DOCK8: variants seen among roughly 807,000 people sequenced by gnomAD.
DOCK8 encodes the protein dedicator of cytokinesis 8.
Under a neutral mutation model 245.6 loss-of-function variants are expected in DOCK8, and 141 were observed. The observed-to-expected ratio is 0.57, with a 90% confidence interval of 0.50 to 0.66. The LOEUF (loss-of-function observed/expected upper bound fraction) is 0.66. Ranked by LOEUF, DOCK8 falls within the 30% of genes least tolerant of loss-of-function variation. The pLI is 0.00. For missense variants in DOCK8, 2,965 were observed against 2,603.4 expected, an observed-to-expected ratio of 1.14 and a Z score of -3.02; for synonymous variants, 1,168 against 970.2, an observed-to-expected ratio of 1.20 and a Z score of -3.79.
intron 2 of DOCK8, among the ~76,000 whole-genome samples, chr9:278,673 A>G (rs1016300857): frequency 6.6e-6 from 1 of 152,252 alleles, no homozygotes; most frequent in Non-Finnish European, 1.5e-5. Flanking sequence ...CTTGACGGAC[A>G]TCTGAAGGAA....
At chr9:400,127 TCAC>T (rs2054751915) in intron 26 of DOCK8, among the ~76,000 whole-genome samples, 1 of 18,624 alleles carries the variant, frequency 5.4e-5, no homozygotes, top group Non-Finnish European at 9.1e-5. Flanking sequence ...ACCAGCATCT[TCAC>T]CATCACCACC....
In DOCK8 at chr9:275,897, C is replaced by T. The variant is rs200977273; in HGVS notation, c.156+4168C>T. ...AGCCACTGGGCCCGGCCTAGTTTTA[C>T]TTTTTTTTTTTGTAATGGAATTTCC... On this transcript the variant is annotated intron_variant, in intron 2 of 47. Coordinates refer to ENST00000432829, the MANE Select transcript of DOCK8 (RefSeq NM_203447.4). Among the ~76,000 whole-genome samples the T allele has an allele frequency of 1.8e-3, 141 of 80,002 alleles. 1 individual carries two copies. Among genetic ancestry groups the T allele is most frequent in the African/African-American group, 5.1e-3 (121 of 23,764 alleles). The allele number at this position is 80,002 out of a possible 152,430, so 52.5% of individuals were successfully genotyped here.
At chr9:400,881 C>T (rs1436217109) in intron 26 of DOCK8, among the ~76,000 whole-genome samples, 3 of 67,376 alleles carry the variant, frequency 4.5e-5, no homozygotes, top group African/African-American at 1.3e-4. Flanking sequence ...ACCACCACCT[C>T]CACCACCACC....
At chr9:213,543 T>A (rs1432933737), upstream of DOCK8, 1 of 152,300 alleles carries the variant, frequency 6.6e-6, no homozygotes, top group East Asian at 1.9e-4. Context: ...GCAATCAACA[T>A]GAAAATCATT....
chr9:426,224 G>C (rs1587000214), intron 33 of DOCK8, among the ~76,000 whole-genome samples: 1 of 152,298 alleles, frequency 6.6e-6, no homozygotes, highest in Middle Eastern at 3.4e-3. Flanking sequence ...GCGAGCACCA[G>C]GCAATTTCCC....
At chr9:262,972 C>G (rs747345458) in intron 1 of DOCK8, among the ~76,000 whole-genome samples, 1 of 152,050 alleles carries the variant, frequency 6.6e-6, no homozygotes, top group Non-Finnish European at 1.5e-5. Context: ...TTTGGGAGGC[C>G]GAGGCGGGTG....
At chr9:450,744 C>G (rs144656651) in intron 45 of DOCK8, among the ~76,000 whole-genome samples, 2 of 151,718 alleles carry the variant, frequency 1.3e-5, no homozygotes, top group African/African-American at 4.8e-5. Flanking sequence ...AATGAGGAAA[C>G]GTTTGCCTTT....
intron 18 of DOCK8, among the ~76,000 whole-genome samples, chr9:372,803 G>T (rs1056012868): frequency 6.8e-6 from 1 of 147,674 alleles, no homozygotes; most frequent in Non-Finnish European, 1.5e-5. Context: ...AGAAGCCCAG[G>T]TGGATCAACT....
At chr9:452,204 A>G in intron 46 of DOCK8, 87 bp downstream of exon 46, 1 of 848,342 alleles carries the variant, frequency 1.2e-6, no homozygotes, top group Non-Finnish European at 1.9e-6. Context: ...TCACCTGAGA[A>G]CTTGCTAGAA....
chr9:455,196 G>C (rs10122649), intron 46 of DOCK8, among the ~76,000 whole-genome samples: 4,337 of 152,272 alleles, frequency 0.028, 207 homozygotes, highest in African/African-American at 0.099. Context: ...CTGAGGATTT[G>C]TCAAAATGCA....
At chr9:401,060 A>ACC (rs2055065960) in intron 26 of DOCK8, among the ~76,000 whole-genome samples, 1 of 63,478 alleles carries the variant, frequency 1.6e-5, no homozygotes, top group South Asian at 6.5e-4. Flanking sequence ...CACCATCATC[A>ACC]TTGTCACCAT....
intron 4 of DOCK8, among the ~76,000 whole-genome samples, chr9:289,816 T>C (rs1342165700): frequency 6.6e-6 from 1 of 152,216 alleles, no homozygotes; most frequent in Non-Finnish European, 1.5e-5. Flanking sequence ...AATATGGATA[T>C]GTTGTTATTA....
intron 1 of DOCK8, among the ~76,000 whole-genome samples, chr9:217,757 A>T (rs1462663944): frequency 1.3e-5 from 2 of 152,178 alleles, no homozygotes; most frequent in Non-Finnish European, 2.9e-5. Context: ...GGATTTTATG[A>T]TTAAATTCTC....
At chr9:389,139 G>A (rs1231934903) in intron 23 of DOCK8, among the ~76,000 whole-genome samples, 1 of 152,110 alleles carries the variant, frequency 6.6e-6, no homozygotes, top group Non-Finnish European at 1.5e-5. Flanking sequence ...CAGGACTGAG[G>A]GAGTCCCCAA....
intron 30 of DOCK8, among the ~76,000 whole-genome samples, chr9:419,368 T>C (rs983677425): frequency 4.6e-5 from 7 of 152,280 alleles, no homozygotes; most frequent in Admixed American, 4.6e-4. Context: ...TGGAGAAATA[T>C]TGTGTGACCT....
intron 4 of DOCK8, among the ~76,000 whole-genome samples, chr9:299,769 C>G (rs1383345056): frequency 6.6e-6 from 1 of 151,666 alleles, no homozygotes; most frequent in African/African-American, 2.4e-5. Context: ...CATCTGTAAT[C>G]CCAGCACTTT....
intron 27 of DOCK8, among the ~76,000 whole-genome samples, chr9:405,698 T>A (rs1396405272): frequency 6.6e-6 from 1 of 152,134 alleles, no homozygotes; most frequent in Non-Finnish European, 1.5e-5. Context: ...TCAGGCAAAA[T>A]TTCTCATTAT....
At chr9:450,070 C>T (rs1222827227) in intron 45 of DOCK8, 143 bp downstream of exon 45, 5 of 878,556 alleles carry the variant, frequency 5.7e-6, no homozygotes, top group Non-Finnish European at 5.1e-6. Context: ...ACCTGAACAC[C>T]TGTAAGGTTT....
At chr9:461,755 TA>T (rs2057813521) in intron 46 of DOCK8, among the ~76,000 whole-genome samples, 1 of 151,846 alleles carries the variant, frequency 6.6e-6, no homozygotes, top group Non-Finnish European at 1.5e-5. Context: ...TTGCCCAGTC[TA>T]GTCTTTAACT....
Sources: gnomAD v4.1 joint callset for allele counts (sites outside exome capture counted in the v4.1 genomes callset) on GRCh38, gnomAD v4.1.1 for gene constraint, MANE v1.5 for transcripts, NCBI Gene and HGNC (gene_info 2026-07-23, HGNC 2026-07-21) for gene names.